MAML3: variants seen among roughly 807,000 people sequenced by gnomAD.
MAML3 encodes mastermind like transcriptional coactivator 3.
Under a neutral mutation model 101.9 loss-of-function variants are expected in MAML3, and 27 were observed. That is an observed-to-expected ratio of 0.27 (90% CI 0.20 to 0.37). MAML3 has a LOEUF of 0.37. Ranked by LOEUF, MAML3 falls within the 10% of genes least tolerant of loss-of-function variation. The pLI is 1.00. For synonymous variants in MAML3, 501 were observed against 555.9 expected (o/e 0.90, Z 1.39); for missense variants, 1,316 against 1,444.9 (o/e 0.91, Z 1.45).
intron 1 of MAML3, among the ~76,000 whole-genome samples, chr4:140,073,191 G>A (rs544751916): frequency 1.7e-4 from 25 of 151,028 alleles, no homozygotes; most frequent in African/African-American, 5.4e-4. Context: ...AGGCTGGAGC[G>A]CAGTGGCAAG....
intron 1 of MAML3, among the ~76,000 whole-genome samples, chr4:140,014,576 T>C (rs2110865771): frequency 6.6e-6 from 1 of 152,360 alleles, no homozygotes; most frequent in South Asian, 2.1e-4. Flanking sequence ...CCTGCCTTCA[T>C]GGTGCTTAGA....
intron 1 of MAML3, among the ~76,000 whole-genome samples, chr4:140,016,926 A>G (rs896266265): frequency 6.6e-6 from 1 of 152,226 alleles, no homozygotes; most frequent in Non-Finnish European, 1.5e-5. Context: ...AGTCAACACC[A>G]AAAGCATAAC....
chr4:140,117,849 G>A (rs1264491097), intron 1 of MAML3, among the ~76,000 whole-genome samples: 1 of 151,942 alleles, frequency 6.6e-6, no homozygotes, highest in East Asian at 1.9e-4. Flanking sequence ...GTTTCTCTAA[G>A]CACATCAGAC....
intron 2 of MAML3, among the ~76,000 whole-genome samples, chr4:139,855,771 C>A (rs17289059): frequency 0.27 from 40,783 of 152,112 alleles, 6,956 homozygotes; most frequent in East Asian, 0.7. Context: ...ATTACAAACC[C>A]CTTCTTTTTA....
At chr4:140,104,420 A>AATATATATATATTATATATT (rs1728315437) in intron 1 of MAML3, among the ~76,000 whole-genome samples, 2 of 36,530 alleles carry the variant, frequency 5.5e-5, no homozygotes, top group Non-Finnish European at 1.4e-4. Flanking sequence ...TATAATATAT[A>AATATATATATATTATATATT]ATATACACGA....
chr4:139,832,843 T>C (rs146840078), intron 2 of MAML3, among the ~76,000 whole-genome samples: 2,587 of 152,352 alleles, frequency 0.017, 34 homozygotes, highest in Middle Eastern at 0.061. Flanking sequence ...GTATCTGATA[T>C]TTGTCCACAT....
intron 2 of MAML3, among the ~76,000 whole-genome samples, chr4:139,879,325 A>T (rs1253776542): frequency 3.3e-5 from 5 of 151,966 alleles, no homozygotes; most frequent in Non-Finnish European, 5.9e-5. Context: ...CAGGAGTTCG[A>T]GACCAGCCTG....
At chr4:140,118,566 C>G (rs1728552281) in intron 1 of MAML3, among the ~76,000 whole-genome samples, 1 of 152,062 alleles carries the variant, frequency 6.6e-6, no homozygotes, top group Non-Finnish European at 1.5e-5. Flanking sequence ...ATTTTGGGGC[C>G]TGGTGTGGTG....
chr4:139,778,766 C>T (rs1017425884), intron 2 of MAML3, among the ~76,000 whole-genome samples: 6 of 152,054 alleles, frequency 3.9e-5, no homozygotes, highest in South Asian at 2.1e-4. Flanking sequence ...GGGTGGATCA[C>T]GAGGTCAAGA....
chr4:140,069,352 AG>A (rs1727591778), intron 1 of MAML3, among the ~76,000 whole-genome samples: 1 of 103,632 alleles, frequency 9.6e-6, no homozygotes, highest in African/African-American at 3.1e-5. Flanking sequence ...GAGAAGGAGA[AG>A]GAGAAGGAGA....
At chr4:140,108,602 A>G (rs57553573) in intron 1 of MAML3, among the ~76,000 whole-genome samples, 5,362 of 149,036 alleles carry the variant, frequency 0.036, 267 homozygotes, top group African/African-American at 0.12. Flanking sequence ...GATGCTCAAC[A>G]AATGTTAGAT....
intron 1 of MAML3, among the ~76,000 whole-genome samples, chr4:140,120,898 A>G (rs1240281527): frequency 6.6e-6 from 1 of 152,228 alleles, no homozygotes; most frequent in Non-Finnish European, 1.5e-5. Flanking sequence ...TATTAAAAAT[A>G]CACACAGTGG....
At chr4:140,063,256 A>T (rs1445143638) in intron 1 of MAML3, among the ~76,000 whole-genome samples, 1 of 152,238 alleles carries the variant, frequency 6.6e-6, no homozygotes, top group Admixed American at 6.5e-5. Flanking sequence ...GCCGGAACTC[A>T]AAACTTAGAA....
intron 1 of MAML3, among the ~76,000 whole-genome samples, chr4:140,081,289 C>A (rs1307994746): frequency 6.6e-6 from 1 of 151,444 alleles, no homozygotes; most frequent in East Asian, 1.9e-4. Context: ...TGTACATGAA[C>A]ACAAAATGTA....
chr4:139,901,446 T>C lies in MAML3; in HGVS notation c.469-10479A>G, dbSNP rs567220845. Among the ~76,000 whole-genome samples, 7 of 152,330 alleles carry C rather than the reference T, an allele frequency of 4.6e-5. 1 individual carries two copies. In the South Asian group the frequency reaches 1.4e-3, roughly 32 times the overall value. ...ATTTATTTTTAAGGACAAGAAACAATATCCTTAGGAATATCTCCTGATAAT... is the reference window on the plus strand; with the variant it reads ...ATTTATTTTTAAGGACAAGAAACAACATCCTTAGGAATATCTCCTGATAAT... On this transcript the variant is annotated intron_variant, in intron 1 of 4. Coordinates refer to ENST00000509479, the MANE Select transcript of MAML3 (RefSeq NM_018717.5).
intron 2 of MAML3, among the ~76,000 whole-genome samples, chr4:139,745,171 G>A (rs1212683672): frequency 6.6e-6 from 1 of 152,184 alleles, no homozygotes; most frequent in Non-Finnish European, 1.5e-5. Context: ...TGCAAGGAGG[G>A]AGGTGGCCAC....
chr4:139,887,051 C>A (rs1250030106), intron 2 of MAML3, among the ~76,000 whole-genome samples: 3 of 152,144 alleles, frequency 2.0e-5, no homozygotes, highest in African/African-American at 4.8e-5. Context: ...CTAGCAATAG[C>A]AGAAAACGAA....
chr4:139,817,523 T>C (rs1730911261), intron 2 of MAML3, among the ~76,000 whole-genome samples: 1 of 152,170 alleles, frequency 6.6e-6, no homozygotes, highest in Non-Finnish European at 1.5e-5. Context: ...GCCAAAGCCC[T>C]TTCACTGTCA....
At chr4:139,884,497 G>A (rs530752649) in intron 2 of MAML3, among the ~76,000 whole-genome samples, 1 of 152,320 alleles carries the variant, frequency 6.6e-6, no homozygotes, top group East Asian at 1.9e-4. Context: ...TTTTGGAAAT[G>A]ATTCCCTTTC....
Sources: gnomAD v4.1 joint callset for allele counts (sites outside exome capture counted in the v4.1 genomes callset) on GRCh38, gnomAD v4.1.1 for gene constraint, MANE v1.5 for transcripts, NCBI Gene and HGNC (gene_info 2026-07-23, HGNC 2026-07-21) for gene names.